FOXP2: variants seen among roughly 807,000 people sequenced by gnomAD.
The protein encoded by FOXP2 is forkhead box P2, also known as forkhead box protein P2.
In FOXP2, 12 loss-of-function variants were observed where a neutral mutation model predicts 115.8. The observed-to-expected ratio is 0.10, with a 90% CI of 0.07 to 0.17. The LOEUF (loss-of-function observed/expected upper bound fraction) is 0.17. FOXP2 is among the 10% of genes least tolerant of loss of function. The probability of loss-of-function intolerance (pLI) is 1.00; values close to 1 mark genes in which losing one functional copy is unlikely to be tolerated. For synonymous variants in FOXP2, 328 were observed against 297.7 expected, an observed-to-expected ratio of 1.10 and a Z score of -1.05; for missense variants, 629 against 843.5, an observed-to-expected ratio of 0.75 and a Z score of 3.15.
In FOXP2 at chr7:114,534,659, A is replaced by C. The variant is rs1237536573; in HGVS notation, c.211A>C (p.Ser71Arg). The C allele has an allele frequency of 6.2e-7, 1 of 1,612,088 alleles. No individual in the cohort carries two copies. The highest frequency in any genetic ancestry group is 8.5e-7 in the Non-Finnish European group (1 of 1,178,592). Reference sequence around the variant, plus strand: ...ACAACTTCTTTTACAGCAGCAAACAAGTGGATTGAAATCTCCTAAGAGCAG... The same window carrying C: ...ACAACTTCTTTTACAGCAGCAAACACGTGGATTGAAATCTCCTAAGAGCAG... ...ARQLLLQQQT[S>R]GLKSPKSSDK... The change falls in exon 3 of 17, where the codon AGT becomes CGT. Residue 71 changes from serine (S) to arginine (R), a missense_variant. Ser to Arg is a moderately radical substitution (Grantham distance 110, BLOSUM62 -1). This residue lies in a region of FOXP2 where 91 missense variants were observed against 98.3 expected (regional missense o/e 0.93). Coordinates refer to ENST00000350908, the MANE Select transcript of FOXP2 (RefSeq NM_014491.4).
At chr7:114,540,194 T>C (rs1799586376) in intron 3 of FOXP2, among the ~76,000 whole-genome samples, 1 of 151,996 alleles carries the variant, frequency 6.6e-6, no homozygotes, top group Non-Finnish European at 1.5e-5. Context: ...AATTGTGTGT[T>C]TTAAGGAATA....
intron 9 of FOXP2, among the ~76,000 whole-genome samples, chr7:114,652,774 C>CA (rs1177551270): frequency 2.0e-5 from 3 of 151,704 alleles, no homozygotes; most frequent in Non-Finnish European, 4.4e-5. Flanking sequence ...AAAGAACTTG[C>CA]AAAAAAATCT....
At position 114,509,169 on chromosome 7, in the gene FOXP2, C is replaced by A. The variant is rs149388717; in HGVS notation, c.169-25448C>A. ...ATGAAAGTCAGAGTCTTCAGGGTAG[C>A]AACTGGACAGTTTATGTACAGATTA... On this transcript the variant is annotated intron_variant, in intron 2 of 16. Transcript: ENST00000350908. 4.0e-3 allele frequency among the ~76,000 whole-genome samples: 607 copies of A among 152,142 alleles called. 3 individuals are homozygous for A. The highest frequency in any genetic ancestry group is 0.011 in the African/African-American group (476 of 41,530).
chr7:114,379,187 T>A (rs1160476979), intron 2 of FOXP2, among the ~76,000 whole-genome samples: 1 of 152,186 alleles, frequency 6.6e-6, no homozygotes, highest in Non-Finnish European at 1.5e-5. Context: ...CTCGAATGCC[T>A]GGGTTTATGT....
intron 2 of FOXP2, among the ~76,000 whole-genome samples, chr7:114,402,620 A>ATT (rs1404850998): frequency 3.4e-4 from 48 of 140,262 alleles, no homozygotes; most frequent in African/African-American, 9.1e-4. Flanking sequence ...CATGCAAGCA[A>ATT]TTTTTTTTTT....
intron 1 of FOXP2, among the ~76,000 whole-genome samples, chr7:114,179,682 C>A (rs1411089363): frequency 6.6e-6 from 1 of 151,952 alleles, no homozygotes; most frequent in Non-Finnish European, 1.5e-5. Context: ...AATGGTTGAA[C>A]AATTCACATC....
intron 3 of FOXP2, among the ~76,000 whole-genome samples, chr7:114,591,773 C>T (rs1802448729): frequency 6.6e-6 from 1 of 152,074 alleles, no homozygotes; most frequent in African/African-American, 2.4e-5. Flanking sequence ...TTTTCCACAG[C>T]CTACAAGCTG....
chr7:114,530,761 A>G (rs1278543129), intron 2 of FOXP2, among the ~76,000 whole-genome samples: 1 of 151,872 alleles, frequency 6.6e-6, no homozygotes, highest in African/African-American at 2.4e-5. Flanking sequence ...AATTACTACT[A>G]GTGAAGAAGT....
chr7:114,591,426 A>G (rs1185540089), intron 3 of FOXP2, among the ~76,000 whole-genome samples: 1 of 152,126 alleles, frequency 6.6e-6, no homozygotes, highest in Non-Finnish European at 1.5e-5. Context: ...TTTTAGTGAC[A>G]TAATTACAGA....
intron 2 of FOXP2, among the ~76,000 whole-genome samples, chr7:114,439,291 T>G (rs1562927481): frequency 6.6e-6 from 1 of 152,152 alleles, no homozygotes; most frequent in Non-Finnish European, 1.5e-5. Context: ...TAGTAGTATT[T>G]CAGTCTTATT....
At chr7:114,482,754 G>A (rs1387414357) in intron 2 of FOXP2, among the ~76,000 whole-genome samples, 1 of 151,546 alleles carries the variant, frequency 6.6e-6, no homozygotes, top group Non-Finnish European at 1.5e-5. Flanking sequence ...TGAAATAAGA[G>A]TTAAAAAAGA....
At chr7:114,149,871 CA>C (rs1792484923) in intron 1 of FOXP2, among the ~76,000 whole-genome samples, 1 of 151,962 alleles carries the variant, frequency 6.6e-6, no homozygotes, top group African/African-American at 2.4e-5. Flanking sequence ...TAAAACACAT[CA>C]TCATGTAGTG....
At chr7:114,608,155 C>A (rs1803431652) in intron 3 of FOXP2, among the ~76,000 whole-genome samples, 1 of 152,140 alleles carries the variant, frequency 6.6e-6, no homozygotes, top group Non-Finnish European at 1.5e-5. Flanking sequence ...ATTGCCAGGT[C>A]CCACAAATTT....
chr7:114,198,683 C>T (rs1003520861), intron 1 of FOXP2, among the ~76,000 whole-genome samples: 5 of 152,150 alleles, frequency 3.3e-5, no homozygotes, highest in Admixed American at 6.5e-5. Flanking sequence ...GAACCAGTAC[C>T]GGTCTGTGGC....
intron 2 of FOXP2, among the ~76,000 whole-genome samples, chr7:114,381,902 G>A (rs1397677944): frequency 6.6e-6 from 1 of 152,106 alleles, no homozygotes; most frequent in African/African-American, 2.4e-5. Context: ...AACTTGAACA[G>A]GACGGGCATT....
Position 114,689,885 on chromosome 7 carries a change from A to G in FOXP2, c.2107A>G (p.Arg703Gly), listed in dbSNP as rs948249504. The G allele has an allele frequency of 1.9e-6, 3 of 1,613,576 alleles. No individual in the cohort carries two copies. The highest frequency in any genetic ancestry group is 2.5e-6 in the Non-Finnish European group (3 of 1,179,600). The stretch of plus-strand genomic sequence containing the variant: ...TCACAGTCCAGAATTAGAAGACGAC[A>G]GAGAGATTGAAGAAGAGCCTTTATC... ...ANHSPELEDDREIEEEPLSED... is the reference protein window; with the variant it reads ...ANHSPELEDDGEIEEEPLSED... Residue 703 changes from arginine to glycine, a missense_variant, in exon 17 of 17, where the codon AGA becomes GGA. Arg to Gly is a moderately radical substitution (Grantham distance 125). This residue lies in a region of FOXP2 where 117 missense variants were observed against 112.3 expected (regional missense o/e 1.04). Transcript: ENST00000350908.
chr7:114,365,367 T>C (rs539982423), intron 2 of FOXP2, among the ~76,000 whole-genome samples: 2 of 152,276 alleles, frequency 1.3e-5, no homozygotes, highest in Admixed American at 6.5e-5. Flanking sequence ...AAGTAGATTA[T>C]AGAATGTACA....
intron 10 of FOXP2, among the ~76,000 whole-genome samples, chr7:114,655,613 A>G (rs892219455): frequency 3.9e-5 from 6 of 152,122 alleles, no homozygotes; most frequent in Non-Finnish European, 7.4e-5. Flanking sequence ...AAACCCTAAA[A>G]TTTATACACT....
intron 1 of FOXP2, among the ~76,000 whole-genome samples, chr7:114,138,650 C>T (rs866575658): frequency 1.3e-5 from 2 of 152,182 alleles, no homozygotes; most frequent in Middle Eastern, 3.4e-3. Context: ...CTCATCCTTC[C>T]GAAGTGCTGG....
Sources: gnomAD v4.1 joint callset for allele counts (sites outside exome capture counted in the v4.1 genomes callset) on GRCh38, gnomAD v4.1.1 for gene constraint, gnomAD v4.1.1 regional missense constraint, MANE v1.5 for transcripts, NCBI Gene and HGNC (gene_info 2026-07-23, HGNC 2026-07-21) for gene names.